CADM2: variants seen among roughly 807,000 people sequenced by gnomAD.
CADM2 encodes cell adhesion molecule 2.
In CADM2, 12 loss-of-function variants were observed where a neutral mutation model predicts 49.8. That is an observed-to-expected ratio of 0.24 (90% CI 0.15 to 0.39). The LOEUF is 0.39. Among genes scored for constraint, CADM2 ranks in the 10% least tolerant of loss-of-function variants. CADM2 has a pLI of 1.00. For missense variants in CADM2, 378 were observed against 492.3 expected (o/e 0.77, Z 2.20); for synonymous variants, 214 against 175.4 (o/e 1.22, Z -1.74).
intron 8 of CADM2, chr3:86,014,766 T>A: frequency 6.8e-7 from 1 of 1,481,356 alleles, no homozygotes; most frequent in East Asian, 2.3e-5. Context: ...CAAGCTTCAC[T>A]GTTGGAGAAT....
intron 1 of CADM2, among the ~76,000 whole-genome samples, chr3:84,970,658 C>CTGT (rs2031365486): frequency 6.6e-6 from 1 of 151,832 alleles, no homozygotes; most frequent in Non-Finnish European, 1.5e-5. Flanking sequence ...AAATAAATGT[C>CTGT]AAATGAAGAT....
At chr3:85,981,367 T>A (rs1372507519) in intron 8 of CADM2, among the ~76,000 whole-genome samples, 1 of 151,640 alleles carries the variant, frequency 6.6e-6, no homozygotes, top group Non-Finnish European at 1.5e-5. Flanking sequence ...TTCCAACTTT[T>A]ATTTTAGGTT....
intron 2 of CADM2, among the ~76,000 whole-genome samples, chr3:85,768,363 G>C (rs1392323356): frequency 1.3e-5 from 2 of 151,424 alleles, no homozygotes; most frequent in Admixed American, 6.6e-5. Flanking sequence ...GGAGAATCAC[G>C]TGAACCCAGG....
chr3:85,174,200 T>A (rs935833285), intron 1 of CADM2, among the ~76,000 whole-genome samples: 1 of 152,200 alleles, frequency 6.6e-6, no homozygotes, highest in Non-Finnish European at 1.5e-5. Flanking sequence ...CATTGGCTCT[T>A]TCCTTTCCTG....
intron 8 of CADM2, among the ~76,000 whole-genome samples, chr3:85,963,875 C>T (rs1725151159): frequency 1.3e-5 from 2 of 151,704 alleles, no homozygotes; most frequent in Non-Finnish European, 2.9e-5. Context: ...TCAAAAGCAT[C>T]CCATAGATTA....
chr3:85,271,539 C>G (rs559259235), intron 1 of CADM2, among the ~76,000 whole-genome samples: 1 of 151,030 alleles, frequency 6.6e-6, no homozygotes, highest in Non-Finnish European at 1.5e-5. Context: ...TAGAGACACA[C>G]GGAGCATAAG....
intron 1 of CADM2, among the ~76,000 whole-genome samples, chr3:85,290,066 G>A (rs555193472): frequency 3.4e-4 from 51 of 152,234 alleles, no homozygotes; most frequent in Non-Finnish European, 5.0e-4. Context: ...GACAGTGGGC[G>A]CAGGTCAGTG....
At chr3:85,644,072 A>G (rs1174547478) in intron 1 of CADM2, among the ~76,000 whole-genome samples, 5 of 152,204 alleles carry the variant, frequency 3.3e-5, no homozygotes, top group Admixed American at 2.0e-4. Context: ...TATGGTTACC[A>G]TAACAGAATA....
At chr3:85,190,533 G>A (rs992853642) in intron 1 of CADM2, among the ~76,000 whole-genome samples, 1 of 151,942 alleles carries the variant, frequency 6.6e-6, no homozygotes, top group Non-Finnish European at 1.5e-5. Flanking sequence ...ATGAATTAAG[G>A]AAATTATTCA....
chr3:85,183,527 A>T (rs2040984488), intron 1 of CADM2, among the ~76,000 whole-genome samples: 1 of 152,100 alleles, frequency 6.6e-6, no homozygotes, highest in Non-Finnish European at 1.5e-5. Flanking sequence ...AGCCTGAGAC[A>T]CTTTCTAACC....
At chr3:84,975,824 C>T (rs2031782927) in intron 1 of CADM2, among the ~76,000 whole-genome samples, 1 of 151,802 alleles carries the variant, frequency 6.6e-6, no homozygotes, top group Non-Finnish European at 1.5e-5. Context: ...CTGAGATGAA[C>T]ATCTTCTAAA....
At chr3:85,432,979 T>C (rs2036752863) in intron 1 of CADM2, among the ~76,000 whole-genome samples, 1 of 151,994 alleles carries the variant, frequency 6.6e-6, no homozygotes, top group Non-Finnish European at 1.5e-5. Context: ...AGAAAAAAAA[T>C]ACAACAATAC....
At chr3:85,056,257 G>T (rs971202766) in intron 1 of CADM2, among the ~76,000 whole-genome samples, 1 of 152,038 alleles carries the variant, frequency 6.6e-6, no homozygotes, top group Non-Finnish European at 1.5e-5. Context: ...AATGAGAGTG[G>T]ACAGTGTGGG....
intron 1 of CADM2, among the ~76,000 whole-genome samples, chr3:85,713,379 C>T (rs2067179381): frequency 6.6e-6 from 1 of 152,286 alleles, no homozygotes; most frequent in East Asian, 1.9e-4. Context: ...ATACTCCTCA[C>T]CTCAGGTGAT....
At chr3:85,978,846 T>A (rs1727118768) in intron 8 of CADM2, among the ~76,000 whole-genome samples, 1 of 151,602 alleles carries the variant, frequency 6.6e-6, no homozygotes, top group South Asian at 2.1e-4. Context: ...TACCTACATG[T>A]TTTTTGCTAC....
intron 1 of CADM2, among the ~76,000 whole-genome samples, chr3:85,092,746 A>T (rs771216736): frequency 6.6e-6 from 1 of 151,910 alleles, no homozygotes; most frequent in Non-Finnish European, 1.5e-5. Flanking sequence ...CTCTTCCACC[A>T]CCGCCACCAC....
intron 1 of CADM2, among the ~76,000 whole-genome samples, chr3:85,538,063 C>T (rs1188545179): frequency 6.6e-6 from 1 of 151,972 alleles, no homozygotes; most frequent in East Asian, 1.9e-4. Context: ...ATTGTTCTTC[C>T]CCTTATCAAT....
intron 1 of CADM2, among the ~76,000 whole-genome samples, chr3:85,185,500 T>G (rs1281186290): frequency 1.3e-5 from 2 of 152,156 alleles, no homozygotes; most frequent in Non-Finnish European, 2.9e-5. Context: ...TTTTGAAAGT[T>G]AAGTCCACAT....
At chr3:85,634,419 C>T (rs1167074438) in intron 1 of CADM2, among the ~76,000 whole-genome samples, 1 of 151,872 alleles carries the variant, frequency 6.6e-6, no homozygotes, top group Non-Finnish European at 1.5e-5. Flanking sequence ...AGCTTATTTT[C>T]TTTTTGTACC....
Sources: gnomAD v4.1 joint callset for allele counts (sites outside exome capture counted in the v4.1 genomes callset) on GRCh38, gnomAD v4.1.1 for gene constraint, MANE v1.5 for transcripts, NCBI Gene and HGNC (gene_info 2026-07-23, HGNC 2026-07-21) for gene names.